Variants in CYP4B1 observed in about 807,000 individuals in gnomAD.
CYP4B1 encodes the protein cytochrome P450 family 4 subfamily B member 1.
A neutral mutation model predicts 54.0 loss-of-function variants in CYP4B1; 45 were observed. That is an observed-to-expected ratio of 0.83 (90% CI 0.66 to 1.07). The LOEUF (loss-of-function observed/expected upper bound fraction) is 1.07, where lower values mean the gene tolerates loss of function less well. Among genes scored for constraint, CYP4B1 ranks in the 50% least tolerant of loss-of-function variants. The probability of loss-of-function intolerance (pLI) is 0.00; values close to 1 mark genes in which losing one functional copy is unlikely to be tolerated. For missense variants in CYP4B1, 656 were observed against 655.4 expected, an observed-to-expected ratio of 1.00 and a Z score of -0.01; for synonymous variants, 248 against 247.5, an observed-to-expected ratio of 1.00 and a Z score of -0.02.
chr1:46,815,141 G>A lies in CYP4B1; in HGVS notation c.950G>A (p.Gly317Asp), dbSNP rs1417831392. The A allele has an allele frequency of 1.9e-6, 3 of 1,614,082 alleles. No individual in the cohort carries two copies. The highest frequency in any genetic ancestry group is 1.3e-5 in the African/African-American group (1 of 74,940). ...RAEVDTFMFE[G>D]HDTTTSGISW... ...GAAGTGGACACATTCATGTTTGAAG[G>A]CCATGACACCACCACCAGTGGTATC... Residue 317 changes from glycine to aspartate, a missense_variant, in exon 8 of 12, where the codon GGC becomes GAC. Physicochemically the swap from Gly to Asp is moderately conservative, Grantham distance 94. Coordinates refer to ENST00000371923, the MANE Select transcript of CYP4B1 (RefSeq NM_001099772.2).
At chr1:46,817,306 G>T (rs1183086276) in intron 9 of CYP4B1, 125 bp downstream of exon 9, 16 of 1,137,094 alleles carry the variant, frequency 1.4e-5, no homozygotes, top group Non-Finnish European at 1.9e-5. Flanking sequence ...GAGAGCCCTG[G>T]GTCTAAATCC....
chr1:46,814,225 G>A lies in CYP4B1; in HGVS notation c.792G>A (p.Glu264=). The A allele has an allele frequency of 6.2e-7, 1 of 1,614,156 alleles. No individual in the cohort carries two copies. The highest frequency in any genetic ancestry group is 8.5e-7 in the Non-Finnish European group (1 of 1,180,016). ...AHDHTDQVIR[E]RKAALQDEKV... ...TTGGTTCAGACCAGGTCATCAGGGA[G>A]CGGAAGGCAGCCCTGCAGGATGAGA... The change falls in exon 7 of 12, where the codon GAG becomes GAA. Residue 264 remains glutamate (E), a synonymous_variant. Transcript: ENST00000371923.
intron 1 of CYP4B1, 103 bp downstream of exon 1, chr1:46,799,364 G>C (rs1678518176): frequency 9.3e-7 from 1 of 1,079,794 alleles, no homozygotes; most frequent in Non-Finnish European, 1.3e-6. Flanking sequence ...CTTCAAACTT[G>C]GGCAGGGGGA....
chr1:46,808,734 G>T (rs1557492438), intron 1 of CYP4B1, among the ~76,000 whole-genome samples: 1 of 151,520 alleles, frequency 6.6e-6, no homozygotes, highest in Non-Finnish European at 1.5e-5. Context: ...GTCCAACAAT[G>T]ATAGACTGGA....
At chr1:46,818,092 A>G in intron 10 of CYP4B1, 39 bp from the exon 11 acceptor site, 8 of 1,613,734 alleles carry the variant, frequency 5.0e-6, no homozygotes, top group Non-Finnish European at 6.8e-6. Context: ...ACCCTCTGCC[A>G]GAACCTGGCG....
At chr1:46,802,385 T>C (rs181890723) in intron 1 of CYP4B1, among the ~76,000 whole-genome samples, 4 of 152,310 alleles carry the variant, frequency 2.6e-5, no homozygotes, top group African/African-American at 4.8e-5. Flanking sequence ...CCCAGTTAGC[T>C]AAGCCACTTT....
At chr1:46,804,600 T>G (rs866642667) in intron 1 of CYP4B1, among the ~76,000 whole-genome samples, 1 of 151,950 alleles carries the variant, frequency 6.6e-6, no homozygotes, top group Non-Finnish European at 1.5e-5. Flanking sequence ...GGACAGGCCC[T>G]GCATGCTTCT....
intron 1 of CYP4B1, among the ~76,000 whole-genome samples, chr1:46,806,043 G>A (rs978775443): frequency 6.6e-6 from 1 of 152,222 alleles, no homozygotes; most frequent in African/African-American, 2.4e-5. Context: ...GCTATGGGCA[G>A]GTGTCTTTCA....
intron 3 of CYP4B1, among the ~76,000 whole-genome samples, 173 bp downstream of exon 3, chr1:46,811,357 G>T (rs1385494176): frequency 6.6e-6 from 1 of 152,230 alleles, no homozygotes; most frequent in Non-Finnish European, 1.5e-5. Flanking sequence ...AGAGCCCCCA[G>T]CTGTGGGGCC....
chr1:46,815,415 G>A (rs1003287250), intron 8 of CYP4B1, 151 bp downstream of exon 8: 21 of 657,950 alleles, frequency 3.2e-5, no homozygotes, highest in Non-Finnish European at 4.7e-5. Flanking sequence ...GGGGGGTGGG[G>A]AGAGTGGTTG....
chr1:46,816,693 G>A (rs914855634), intron 8 of CYP4B1, among the ~76,000 whole-genome samples: 1 of 152,050 alleles, frequency 6.6e-6, no homozygotes, highest in African/African-American at 2.4e-5. Context: ...GCTCAGTAGG[G>A]GAAACCAAGC....
chr1:46,802,467 G>T (rs1183397199), intron 1 of CYP4B1, among the ~76,000 whole-genome samples: 1 of 152,198 alleles, frequency 6.6e-6, no homozygotes, highest in Non-Finnish European at 1.5e-5. Flanking sequence ...GTTAGAAGGG[G>T]ATAGAAAGAG....
chr1:46,815,894 C>T (rs1450485352), intron 8 of CYP4B1, among the ~76,000 whole-genome samples: 1 of 152,164 alleles, frequency 6.6e-6, no homozygotes, highest in African/African-American at 2.4e-5. Context: ...TCCCCTCAGG[C>T]CTTTGCTTGT....
chr1:46,809,341 A>G (rs901222344), intron 1 of CYP4B1, among the ~76,000 whole-genome samples: 2 of 152,220 alleles, frequency 1.3e-5, no homozygotes, highest in African/African-American at 4.8e-5. Context: ...TCAGATTTCA[A>G]AATGAGATTA....
chr1:46,813,837 T>C, intron 5 of CYP4B1, 72 bp from the exon 6 acceptor site: 1 of 1,568,160 alleles, frequency 6.4e-7, no homozygotes, highest in Admixed American at 1.7e-5. Context: ...GCTAGATTCC[T>C]GGAATGGAGT....
intron 1 of CYP4B1, among the ~76,000 whole-genome samples, chr1:46,801,520 G>T (rs1289470072): frequency 6.6e-6 from 1 of 151,434 alleles, no homozygotes; most frequent in Non-Finnish European, 1.5e-5. Flanking sequence ...ACAACTGTCT[G>T]AAGGGCCTTC....
At chr1:46,800,205 T>TCTCTCTC (rs756357452) in intron 1 of CYP4B1, among the ~76,000 whole-genome samples, 1 of 34,352 alleles carries the variant, frequency 2.9e-5, no homozygotes, top group African/African-American at 7.6e-5. Context: ...TTCTCTTTCT[T>TCTCTCTC]TCTTTCTTTC....
chr1:46,809,948 C>T (rs548526600), intron 1 of CYP4B1, among the ~76,000 whole-genome samples: 9 of 152,222 alleles, frequency 5.9e-5, no homozygotes, highest in Admixed American at 2.6e-4. Context: ...GGTGAGTAAA[C>T]GTGACTAGAA....
At position 46,799,103 on chromosome 1, in the gene CYP4B1, C is replaced by T; in HGVS notation, c.22C>T (p.Leu8=). The stretch of plus-strand genomic sequence containing the variant: ...AACCATGGTGCCCAGCTTCCTCTCC[C>T]TGAGCTTCTCCTCCTTGGGCCTGTG... The part of the protein sequence containing the change: MVPSFLS[L]SFSSLGLWAS... The change falls in exon 1 of 12, where the codon CTG becomes TTG. Residue 8 remains leucine, a synonymous_variant. Coordinates refer to ENST00000371923, the MANE Select transcript of CYP4B1 (RefSeq NM_001099772.2). The T allele has an allele frequency of 6.2e-7, 1 of 1,614,080 alleles. No individual in the cohort carries two copies. Among genetic ancestry groups the T allele is most frequent in the Non-Finnish European group, 8.5e-7 (1 of 1,180,002 alleles).
Sources: gnomAD v4.1 joint callset for allele counts (sites outside exome capture counted in the v4.1 genomes callset) on GRCh38, gnomAD v4.1.1 for gene constraint, MANE v1.5 for transcripts, NCBI Gene and HGNC (gene_info 2026-07-23, HGNC 2026-07-21) for gene names.